Variants in SCRT2 observed in about 807,000 individuals in gnomAD.
The protein encoded by SCRT2 is transcriptional repressor scratch 2.
SCRT2 carries 2 observed loss-of-function variants against 3.7 expected under a neutral mutation model. The observed-to-expected ratio is 0.54, with a 90% CI of 0.22 to 1.70. The LOEUF (loss-of-function observed/expected upper bound fraction) is 1.70. Ranked by LOEUF, SCRT2 falls within the 40% of genes most tolerant of loss-of-function variation. SCRT2 has a pLI of 0.19. For synonymous variants in SCRT2, 256 were observed against 220.6 expected (o/e 1.16, Z -1.42); for missense variants, 456 against 468.5 (o/e 0.97, Z 0.25).
chr20:664,160 C>T lies in SCRT2; in HGVS notation c.435G>A (p.Ala145=). ...AGGAGGRAGR[A]GAQAGGGHRH... is the part of the protein sequence containing the mutation. Reference sequence around the variant, plus strand: ...GGTGCCCGCCGCCCGCCTGCGCCCCCGCGCGCCCCGCGCGCCCCCCGGCGC... The same window carrying T: ...GGTGCCCGCCGCCCGCCTGCGCCCCTGCGCGCCCCGCGCGCCCCCCGGCGC... The change falls in exon 2 of 2, where the codon GCG becomes GCA. Residue 145 remains alanine (A), a synonymous_variant. Transcript: ENST00000246104. The surrounding 1 kb of genome is among the most constrained non-coding windows in gnomAD (Gnocchi z 7.9). 6.5e-6 allele frequency: 7 copies of T among 1,070,820 alleles called. No individual in the cohort carries two copies. The highest frequency in any genetic ancestry group is 7.9e-6 in the Non-Finnish European group (7 of 885,924). 66.3% of individuals were successfully genotyped at this position (1,070,820 alleles called of 1,614,324 possible).
Position 667,456 on chromosome 20 carries a change from G to A in SCRT2, c.134-2995C>T, listed in dbSNP as rs770191889. On this transcript the variant is annotated intron_variant, in intron 1 of 1. Coordinates refer to ENST00000246104, the MANE Select transcript of SCRT2 (RefSeq NM_033129.4). The surrounding 1 kb of genome is among the most constrained non-coding windows in gnomAD (Gnocchi z 4.4). ...TTCTTGGCATCTGCCCCAACACATC[G>A]TGCTGCTCCTCTCTGGGCCTCTGTT... is the stretch of plus-strand genomic sequence containing the variant. 5.9e-5 allele frequency among the ~76,000 whole-genome samples: 9 copies of A among 152,188 alleles called. No homozygotes were observed. Among genetic ancestry groups the A allele is most frequent in the Non-Finnish European group, 1.0e-4 (7 of 68,026 alleles).
chr20:664,347 T>A lies in SCRT2; in HGVS notation c.248A>T (p.Asp83Val). Residue 83 changes from aspartate to valine, a missense_variant, in exon 2 of 2, where the codon GAC becomes GTC. Physicochemically the swap from Asp to Val is radical, Grantham distance 152. Coordinates refer to ENST00000246104, the MANE Select transcript of SCRT2 (RefSeq NM_033129.4). This position sits in a 1 kb window ranked among gnomAD's most constrained non-coding sequence, Gnocchi z 7.9. ...CAGGCTCGACTGCGGGCTTTCGGGG[T>A]CGCTGTACTCCTCCGGCGCCGCCGG... ...YPPAAPEEYS[D>V]PESPQSSLSA... 2 of 1,483,056 alleles carry A rather than the reference T, an allele frequency of 1.3e-6. 1 individual carries two copies. The highest frequency in any genetic ancestry group is 2.6e-5 in the South Asian group (2 of 76,550). The allele number at this position is 1,483,056 out of a possible 1,614,324, so 91.9% of individuals were successfully genotyped here.
In SCRT2 at chr20:665,736, T is replaced by G. The variant is rs1370129981; in HGVS notation, c.134-1275A>C. On this transcript the variant is annotated intron_variant, in intron 1 of 1. Transcript: ENST00000246104. The surrounding 1 kb of genome is among the most constrained non-coding windows in gnomAD (Gnocchi z 5.0). ...TGATGGGCAAGTGATTCCATTGTTC[T>G]GTGATTCCACAGAACAATGAAGGTT... Among the ~76,000 whole-genome samples the G allele has an allele frequency of 3.3e-5, 5 of 152,208 alleles. No individual in the cohort carries two copies. Among genetic ancestry groups the G allele is most frequent in the Admixed American group, 3.3e-4 (5 of 15,288 alleles).
rs750159338 is a variant in SCRT2 at position 664,291 on chromosome 20, C to T, written c.304G>A (p.Val102Met). ...SARYFRGEAA[V>M]TDSYSMDAFF... ...GCGTCCATGGAGTAGCTGTCGGTCA[C>T]TGCCGCCTCCCCTCGGAAGTAGCGC... Residue 102 changes from valine (V) to methionine (M), a missense_variant, in exon 2 of 2, where the codon GTG becomes ATG. Val to Met is a conservative substitution (Grantham distance 21). Around this residue, in one of 3 missense-constraint regions of SCRT2, gnomAD observed 306 missense variants for 305.3 expected, o/e 1.00. Transcript: ENST00000246104. The surrounding 1 kb of genome is among the most constrained non-coding windows in gnomAD (Gnocchi z 7.9). 14 of 1,488,650 alleles carry T rather than the reference C, an allele frequency of 9.4e-6. No individual in the cohort carries two copies. Among genetic ancestry groups the T allele is most frequent in the Non-Finnish European group, 1.2e-5 (13 of 1,108,112 alleles). 92.2% of individuals were successfully genotyped at this position (1,488,650 alleles called of 1,614,324 possible).
At chr20:672,406 TGTGTGTGTGTGTGTGTGCGCGCGTGC>T (rs1984365160) in intron 1 of SCRT2, among the ~76,000 whole-genome samples, 2 of 140,250 alleles carry the variant, frequency 1.4e-5, no homozygotes, top group African/African-American at 6.5e-5. Context: ...TGTGTGTGTG[TGTGTGTGTGTGTGTGTGCGCGCGTGC>T]GTGTGTGTGT....
chr20:675,440 A>AC lies in SCRT2; in HGVS notation c.133+28dup. ...CCAGCTCCCCTCGCCTCTTCTCCCAACCCCCCGCCCCCGCCGGGTCCCACT... is the reference window on the plus strand; with the variant it reads ...CCAGCTCCCCTCGCCTCTTCTCCCAACCCCCCCGCCCCCGCCGGGTCCCACT... On this transcript the variant is annotated intron_variant, in intron 1 of 1. Coordinates refer to ENST00000246104, the MANE Select transcript of SCRT2 (RefSeq NM_033129.4). The surrounding 1 kb of genome is among the most constrained non-coding windows in gnomAD (Gnocchi z 6.9). 7.8e-6 allele frequency: 10 copies of AC among 1,283,698 alleles called. No individual in the cohort carries two copies. In the East Asian group the frequency reaches 1.8e-4, roughly 23 times the overall value. The allele number at this position is 1,283,698 out of a possible 1,614,324, so 79.5% of individuals were successfully genotyped here.
In SCRT2 at chr20:664,631, TTCCTTCCTCC is replaced by T. The variant is rs2122343144; in HGVS notation, c.134-180_134-171del. On this transcript the variant is annotated intron_variant, in intron 1 of 1. Coordinates refer to ENST00000246104, the MANE Select transcript of SCRT2 (RefSeq NM_033129.4). The surrounding 1 kb of genome is among the most constrained non-coding windows in gnomAD (Gnocchi z 7.9). ...TTCCTGTCAGGCAGCCTGGGTTCAA[TTCCTTCCTCC>T]ATCGACGGCAGTGCAAATAGCCGCC... Among the ~76,000 whole-genome samples the T allele has an allele frequency of 6.6e-6, 1 of 152,318 alleles. No individual in the cohort carries two copies. Among genetic ancestry groups the T allele is most frequent in the African/African-American group, 2.4e-5 (1 of 41,570 alleles).
Position 664,560 on chromosome 20 carries a change from C to T in SCRT2, c.134-99G>A. ...CTTTGCGCCTTCCAGCTTGGCGCCC[C>T]TGTGGCAGCTCCGACAGTGGTGGTC... On this transcript the variant is annotated intron_variant, in intron 1 of 1. Coordinates refer to ENST00000246104, the MANE Select transcript of SCRT2 (RefSeq NM_033129.4). This position sits in a 1 kb window ranked among gnomAD's most constrained non-coding sequence, Gnocchi z 7.9. 1.2e-6 allele frequency: 1 copy of T among 862,006 alleles called. No individual in the cohort carries two copies. The highest frequency in any genetic ancestry group is 1.5e-6 in the Non-Finnish European group (1 of 649,078). The allele number at this position is 862,006 out of a possible 1,614,324, so 53.4% of individuals were successfully genotyped here.
At chr20:672,790 C>A (rs1232993284) in intron 1 of SCRT2, among the ~76,000 whole-genome samples, 2 of 148,748 alleles carry the variant, frequency 1.3e-5, no homozygotes, top group Non-Finnish European at 3.0e-5. Context: ...CATCTTCCCC[C>A]CCTCCTCTCT....
chr20:675,508 A>G lies in SCRT2; in HGVS notation c.94T>C (p.Tyr32His). 7.2e-7 allele frequency: 1 copy of G among 1,386,370 alleles called. No homozygotes were observed. The highest frequency in any genetic ancestry group is 9.4e-7 in the Non-Finnish European group (1 of 1,065,578). The allele number at this position is 1,386,370 out of a possible 1,614,324, so 85.9% of individuals were successfully genotyped here. A position where few individuals can be genotyped will look rare whatever the true frequency, so the allele number is the denominator to read the frequency against. The change falls in exon 1 of 2, where the codon TAC becomes CAC. Residue 32 changes from tyrosine (Y) to histidine (H), a missense_variant. By Grantham distance (83) the Tyr-to-His change is moderately conservative. This residue lies in a region of SCRT2 where 306 missense variants were observed against 305.3 expected (regional missense o/e 1.00). Coordinates refer to ENST00000246104, the MANE Select transcript of SCRT2 (RefSeq NM_033129.4). The surrounding 1 kb of genome is among the most constrained non-coding windows in gnomAD (Gnocchi z 6.9). ...APTYHPLETA[Y>H]VLPGARGPPG... ...GGCCCCCGGGCGCCAGGCAGCACGT[A>G]GGCTGTCTCCAAGGGGTGGTAGGTG...
At position 663,236 on chromosome 20, in the gene SCRT2, A is replaced by C; in HGVS notation, c.*435T>G. ...TGAGGCAGGTATGGGCGTCAAGGGT[A>C]TAGGTTTGCGGCTTTCATTGGGGGC... On this transcript the variant is annotated 3_prime_UTR_variant, in exon 2 of 2. Coordinates refer to ENST00000246104, the MANE Select transcript of SCRT2 (RefSeq NM_033129.4). This position sits in a 1 kb window ranked among gnomAD's most constrained non-coding sequence, Gnocchi z 6.9. 2.4e-5 allele frequency: 4 copies of C among 163,880 alleles called. No individual in the cohort carries two copies. Among genetic ancestry groups the C allele is most frequent in the Non-Finnish European group, 5.2e-5 (4 of 76,412 alleles). 10.2% of individuals were successfully genotyped at this position (163,880 alleles called of 1,614,324 possible).
At chr20:672,943 C>T (rs190402206) in intron 1 of SCRT2, among the ~76,000 whole-genome samples, 1 of 152,054 alleles carries the variant, frequency 6.6e-6, no homozygotes, top group East Asian at 1.9e-4. Flanking sequence ...GGCGGGCTCT[C>T]AGCAGACCCC....
intron 1 of SCRT2, among the ~76,000 whole-genome samples, chr20:671,536 C>T (rs1463353768): frequency 6.6e-6 from 1 of 152,212 alleles, no homozygotes; most frequent in Non-Finnish European, 1.5e-5. Context: ...TGCATTGCTG[C>T]TCCCCAGAGG....
At chr20:670,642 GC>G (rs1984304278) in intron 1 of SCRT2, among the ~76,000 whole-genome samples, 1 of 152,128 alleles carries the variant, frequency 6.6e-6, no homozygotes, top group African/African-American at 2.4e-5. Flanking sequence ...ATCCTCCCCT[GC>G]CCCCCGCTGC....
At chr20:672,792 C>A (rs1334642023) in intron 1 of SCRT2, among the ~76,000 whole-genome samples, 1 of 149,868 alleles carries the variant, frequency 6.7e-6, no homozygotes, top group Non-Finnish European at 1.5e-5. Context: ...TCTTCCCCCC[C>A]TCCTCTCTTT....
intron 1 of SCRT2, among the ~76,000 whole-genome samples, chr20:673,939 T>C (rs1984426280): frequency 6.6e-6 from 1 of 152,202 alleles, no homozygotes; most frequent in African/African-American, 2.4e-5. Flanking sequence ...AGCTTTGGCA[T>C]GGCCCCAGGT....
chr20:675,731 C>G lies in SCRT2; in HGVS notation c.-130G>C, dbSNP rs1984518931. 4.1e-6 allele frequency: 2 copies of G among 482,402 alleles called. No homozygotes were observed. The highest frequency in any genetic ancestry group is 2.9e-6 in the Non-Finnish European group (1 of 339,260). 29.9% of individuals were successfully genotyped at this position (482,402 alleles called of 1,614,324 possible). A position where few individuals can be genotyped will look rare whatever the true frequency, so the allele number is the denominator to read the frequency against. On this transcript the variant is annotated 5_prime_UTR_variant, in exon 1 of 2. Transcript: ENST00000246104. The surrounding 1 kb of genome is among the most constrained non-coding windows in gnomAD (Gnocchi z 6.9). Reference sequence around the variant, plus strand: ...GCGGGAGGCCGCTCGGAGCCGGCACCGGTGGCGGCGGCCCCGGCTCGGGCT... The same window carrying G: ...GCGGGAGGCCGCTCGGAGCCGGCACGGGTGGCGGCGGCCCCGGCTCGGGCT...
rs554330481 is a variant in SCRT2, at chr20:664,496, G to A, written c.134-35C>T. On this transcript the variant is annotated intron_variant, in intron 1 of 1. Coordinates refer to ENST00000246104, the MANE Select transcript of SCRT2 (RefSeq NM_033129.4). This position sits in a 1 kb window ranked among gnomAD's most constrained non-coding sequence, Gnocchi z 7.9. ...GCGAGAAGTGGAGGGGCGGTGAGAG[G>A]AGGCGCCGAAGAGGGTTTCCCGCTT... The A allele has an allele frequency of 4.6e-4, 565 of 1,215,478 alleles. 3 individuals carry two copies. In the African/African-American group the frequency reaches 7.3e-3, roughly 16 times the overall value. 75.3% of individuals were successfully genotyped at this position (1,215,478 alleles called of 1,614,324 possible). A position where few individuals can be genotyped will look rare whatever the true frequency, so the allele number is the denominator to read the frequency against.
In SCRT2 at chr20:663,610, C is replaced by T. The variant is rs1984033331; in HGVS notation, c.*61G>A. 1.5e-5 allele frequency: 20 copies of T among 1,291,048 alleles called. No homozygotes were observed. Among genetic ancestry groups the T allele is most frequent in the Non-Finnish European group, 1.7e-5 (17 of 1,019,988 alleles). 80.0% of individuals were successfully genotyped at this position (1,291,048 alleles called of 1,614,324 possible). A position where few individuals can be genotyped will look rare whatever the true frequency, so the allele number is the denominator to read the frequency against. ...GGGCTGGGCGAGGGCGCTGCGGGCG[C>T]AGGTAGGGGGCCCGGGGCGCGTGGA... On this transcript the variant is annotated 3_prime_UTR_variant, in exon 2 of 2. Transcript: ENST00000246104. This position sits in a 1 kb window ranked among gnomAD's most constrained non-coding sequence, Gnocchi z 6.9.
Sources: gnomAD v4.1 joint callset for allele counts (sites outside exome capture counted in the v4.1 genomes callset) on GRCh38, gnomAD v4.1.1 for gene constraint, gnomAD v4.1.1 regional missense constraint, Gnocchi (gnomAD v3.1) non-coding constraint, MANE v1.5 for transcripts, NCBI Gene and HGNC (gene_info 2026-07-23, HGNC 2026-07-21) for gene names.